Variants in MDGA2 observed in about 807,000 individuals in gnomAD.
MDGA2 encodes the protein MAM domain containing glycosylphosphatidylinositol anchor 2.
In MDGA2, 40 loss-of-function variants were observed where a neutral mutation model predicts 117.8. That is an observed-to-expected ratio of 0.34 (90% CI 0.26 to 0.44). The LOEUF (loss-of-function observed/expected upper bound fraction) is 0.44, where lower values mean the gene tolerates loss of function less well. Among genes scored for constraint, MDGA2 ranks in the 20% least tolerant of loss-of-function variants. The pLI is 1.00. For synonymous variants in MDGA2, 452 were observed against 439.0 expected (o/e 1.03, Z -0.37); for missense variants, 1,123 against 1,250.6 (o/e 0.90, Z 1.54).
At chr14:47,317,413 T>TA (rs1889840489) in intron 1 of MDGA2, among the ~76,000 whole-genome samples, 1 of 152,108 alleles carries the variant, frequency 6.6e-6, no homozygotes, top group African/African-American at 2.4e-5. Flanking sequence ...AAACCTCAAA[T>TA]CAAAAATACT....
At chr14:47,516,649 T>G (rs1894757532) in intron 1 of MDGA2, among the ~76,000 whole-genome samples, 1 of 152,158 alleles carries the variant, frequency 6.6e-6, no homozygotes, top group African/African-American at 2.4e-5. Flanking sequence ...GAACTTCAGC[T>G]GCCATGTGGG....
At chr14:47,367,456 T>C (rs1290710399) in intron 1 of MDGA2, among the ~76,000 whole-genome samples, 1 of 152,200 alleles carries the variant, frequency 6.6e-6, no homozygotes, top group Non-Finnish European at 1.5e-5. Flanking sequence ...AAAGTCATAA[T>C]TTGTTTCTAT....
intron 1 of MDGA2, among the ~76,000 whole-genome samples, chr14:47,587,331 ATATATATT>A (rs1896343943): frequency 6.6e-6 from 1 of 151,890 alleles, no homozygotes; most frequent in South Asian, 2.1e-4. Flanking sequence ...TATTTTTGGA[ATATATATT>A]TATTACTTTT....
intron 1 of MDGA2, among the ~76,000 whole-genome samples, chr14:47,326,634 T>C (rs1430720561): frequency 6.6e-6 from 1 of 151,920 alleles, no homozygotes; most frequent in Non-Finnish European, 1.5e-5. Context: ...GCCCCAGTCA[T>C]TCTAAAATGC....
chr14:47,360,292 G>A (rs1312379918), intron 1 of MDGA2, among the ~76,000 whole-genome samples: 25 of 150,884 alleles, frequency 1.7e-4, no homozygotes, highest in Admixed American at 6.6e-4. Context: ...CGGAGGTTGC[G>A]GTGAGCCAAG....
intron 3 of MDGA2, among the ~76,000 whole-genome samples, chr14:47,169,272 G>A (rs865818107): frequency 2.0e-4 from 31 of 151,718 alleles, no homozygotes; most frequent in Middle Eastern, 6.8e-3. Flanking sequence ...TTTCCTTTCA[G>A]AATATTTTCT....
intron 8 of MDGA2, among the ~76,000 whole-genome samples, chr14:47,013,772 GTATATA>G (rs71448157): frequency 0.012 from 1,162 of 93,706 alleles, 139 homozygotes; most frequent in Non-Finnish European, 0.019. Flanking sequence ...TAATTTCCTT[GTATATA>G]TATATATATA....
rs183205298 is a variant in MDGA2, at chr14:47,128,462, A to G, written c.925+3252T>C. ...TTTATTTTTAATTTTCTCTGTATCT[A>G]TATATTTCAAAAAAATTAAAGAAGC... On this transcript the variant is annotated intron_variant, in intron 5 of 16. Coordinates refer to ENST00000399232, the MANE Select transcript of MDGA2 (RefSeq NM_001113498.3). 1.6e-4 allele frequency among the ~76,000 whole-genome samples: 24 copies of G among 152,084 alleles called. No individual in the cohort carries two copies. In the East Asian group the frequency reaches 4.1e-3, roughly 26 times the overall value.
intron 1 of MDGA2, among the ~76,000 whole-genome samples, chr14:47,388,535 T>C (rs1268027692): frequency 6.6e-6 from 1 of 152,210 alleles, no homozygotes; most frequent in Non-Finnish European, 1.5e-5. Context: ...TCAGTTCATC[T>C]ATCTTAACTG....
chr14:47,324,472 T>C (rs1457137488), intron 1 of MDGA2, among the ~76,000 whole-genome samples: 1 of 152,164 alleles, frequency 6.6e-6, no homozygotes, highest in African/African-American at 2.4e-5. Flanking sequence ...CTTTTTTTTC[T>C]TTGGTAAAAT....
intron 4 of MDGA2, among the ~76,000 whole-genome samples, chr14:47,135,364 C>A (rs746029036): frequency 6.6e-5 from 10 of 151,922 alleles, no homozygotes; most frequent in Admixed American, 2.0e-4. Flanking sequence ...AGATAACTGA[C>A]AAATCTCTAG....
chr14:47,581,389 G>C (rs576228224), intron 1 of MDGA2, among the ~76,000 whole-genome samples: 69 of 152,054 alleles, frequency 4.5e-4, no homozygotes, highest in South Asian at 1.2e-3. Flanking sequence ...ATAAGAATTG[G>C]GAATTGTGAA....
chr14:47,067,805 T>C (rs1278358302), intron 6 of MDGA2, among the ~76,000 whole-genome samples: 1 of 152,208 alleles, frequency 6.6e-6, no homozygotes, highest in African/African-American at 2.4e-5. Flanking sequence ...TTATATCTTA[T>C]GTTATTATAA....
At chr14:47,642,679 T>C (rs1897450595) in intron 1 of MDGA2, among the ~76,000 whole-genome samples, 2 of 152,010 alleles carry the variant, frequency 1.3e-5, no homozygotes, top group Non-Finnish European at 2.9e-5. Flanking sequence ...TTATCATCTA[T>C]CCATCTCTAG....
At chr14:47,205,123 T>C (rs1339972466) in intron 3 of MDGA2, among the ~76,000 whole-genome samples, 1 of 151,886 alleles carries the variant, frequency 6.6e-6, no homozygotes, top group Non-Finnish European at 1.5e-5. Context: ...TTTGTGTGTA[T>C]ATATATGTGC....
At chr14:47,115,437 C>G (rs900993054) in intron 5 of MDGA2, among the ~76,000 whole-genome samples, 1 of 151,758 alleles carries the variant, frequency 6.6e-6, no homozygotes, top group African/African-American at 2.4e-5. Context: ...CTAAGAAACC[C>G]GAGAAATATA....
At chr14:47,200,670 G>A (rs1055948791) in intron 3 of MDGA2, 12 of 1,117,590 alleles carry the variant, frequency 1.1e-5, no homozygotes, top group Admixed American at 3.8e-5. Context: ...CTCAAGAGCT[G>A]TTTCTTCTTC....
intron 2 of MDGA2, among the ~76,000 whole-genome samples, chr14:47,266,291 A>C (rs1887962950): frequency 6.6e-6 from 1 of 152,114 alleles, no homozygotes; most frequent in Admixed American, 6.6e-5. Flanking sequence ...CCCCAGACTT[A>C]TTTAATTTTG....
At chr14:46,997,555 G>A (rs550686854) in intron 8 of MDGA2, among the ~76,000 whole-genome samples, 4 of 152,098 alleles carry the variant, frequency 2.6e-5, no homozygotes, top group Admixed American at 1.3e-4. Context: ...ACTAAGGCCC[G>A]TGGTTAAAGA....
Sources: gnomAD v4.1 joint callset for allele counts (sites outside exome capture counted in the v4.1 genomes callset) on GRCh38, gnomAD v4.1.1 for gene constraint, MANE v1.5 for transcripts, NCBI Gene and HGNC (gene_info 2026-07-23, HGNC 2026-07-21) for gene names.